The following PRKG1 variants were observed in gnomAD, a reference collection of about 807,000 sequenced individuals.
PRKG1 encodes the protein protein kinase cGMP-dependent 1.
PRKG1 carries 35 observed loss-of-function variants against 88.1 expected under a neutral mutation model. The ratio of observed to expected loss-of-function variants is 0.40; its 90% confidence interval spans 0.30 to 0.53. PRKG1 has a LOEUF of 0.53. PRKG1 is among the 20% of genes least tolerant of loss of function. The probability of loss-of-function intolerance (pLI) is 0.59; values close to 1 mark genes in which losing one functional copy is unlikely to be tolerated. For missense variants in PRKG1, 540 were observed against 839.8 expected, an observed-to-expected ratio of 0.64 and a Z score of 4.41; for synonymous variants, 303 against 292.5, an observed-to-expected ratio of 1.04 and a Z score of -0.37.
intron 3 of PRKG1, among the ~76,000 whole-genome samples, chr10:51,530,843 A>G (rs1842000058): frequency 6.6e-6 from 1 of 152,074 alleles, no homozygotes; most frequent in Admixed American, 6.5e-5. Context: ...TTTGTTGAAG[A>G]TGTTTGTTCT....
intron 7 of PRKG1, among the ~76,000 whole-genome samples, chr10:52,076,998 T>C (rs530542776): frequency 2.0e-5 from 3 of 152,096 alleles, no homozygotes; most frequent in Non-Finnish European, 2.9e-5. Flanking sequence ...TTTGGCAGTT[T>C]TTTTTTTTTT....
chr10:51,355,858 C>A (rs187865595), intron 2 of PRKG1, among the ~76,000 whole-genome samples: 1 of 152,052 alleles, frequency 6.6e-6, no homozygotes, highest in East Asian at 1.9e-4. Context: ...AGTGTGGATG[C>A]CACCATCGCA....
intron 2 of PRKG1, among the ~76,000 whole-genome samples, chr10:51,203,032 T>C (rs768701393): frequency 2.6e-5 from 4 of 152,052 alleles, no homozygotes; most frequent in Non-Finnish European, 4.4e-5. Flanking sequence ...GGGTGAGATA[T>C]AAATGTGAGG....
chr10:51,777,387 T>G (rs1336609255), intron 3 of PRKG1, among the ~76,000 whole-genome samples: 1 of 152,160 alleles, frequency 6.6e-6, no homozygotes, highest in African/African-American at 2.4e-5. Context: ...CAAAATAGGA[T>G]GCACATCTTT....
intron 2 of PRKG1, among the ~76,000 whole-genome samples, chr10:51,356,900 CCT>C (rs924503649): frequency 1.3e-5 from 2 of 151,990 alleles, no homozygotes; most frequent in Admixed American, 6.6e-5. Flanking sequence ...GCACATCTAT[CCT>C]CTCTATTAGG....
chr10:52,264,477 A>G (rs1024653874), intron 10 of PRKG1, among the ~76,000 whole-genome samples: 2 of 151,932 alleles, frequency 1.3e-5, no homozygotes, highest in African/African-American at 2.4e-5. Flanking sequence ...AGTTATCACA[A>G]TTTATATTAA....
intron 2 of PRKG1, among the ~76,000 whole-genome samples, chr10:51,362,509 AG>A (rs1346739086): frequency 6.6e-6 from 1 of 151,886 alleles, no homozygotes; most frequent in African/African-American, 2.4e-5. Context: ...AATTATAAAA[AG>A]GTCATTGATT....
At chr10:51,469,344 C>T (rs1839986828) in intron 3 of PRKG1, among the ~76,000 whole-genome samples, 4 of 151,632 alleles carry the variant, frequency 2.6e-5, no homozygotes, top group Admixed American at 2.6e-4. Flanking sequence ...CAGGCTTGTA[C>T]ACTGCTTGAT....
intron 3 of PRKG1, among the ~76,000 whole-genome samples, chr10:51,626,817 T>A (rs1255116368): frequency 3.9e-5 from 6 of 152,212 alleles, no homozygotes; most frequent in Non-Finnish European, 8.8e-5. Flanking sequence ...CAGTTTTCCC[T>A]TTTTAATCAG....
At chr10:51,087,619 TAG>T (rs1178271870) in intron 1 of PRKG1, among the ~76,000 whole-genome samples, 22 of 152,356 alleles carry the variant, frequency 1.4e-4, no homozygotes, top group African/African-American at 5.3e-4. Context: ...TTCTTTTATA[TAG>T]AGAGCTCTTT....
At chr10:51,022,024 C>T (rs536827276) in intron 1 of PRKG1, among the ~76,000 whole-genome samples, 1 of 152,160 alleles carries the variant, frequency 6.6e-6, no homozygotes, top group African/African-American at 2.4e-5. Context: ...TCGACAAACT[C>T]AAATGTGCAA....
intron 17 of PRKG1, among the ~76,000 whole-genome samples, chr10:52,291,472 T>C (rs1016498222): frequency 4.8e-5 from 7 of 144,550 alleles, no homozygotes; most frequent in African/African-American, 1.8e-4. Flanking sequence ...GTTCTCATTG[T>C]TCAGTTCCCA....
intron 2 of PRKG1, among the ~76,000 whole-genome samples, chr10:51,265,515 A>G (rs1424875904): frequency 6.6e-6 from 1 of 152,114 alleles, no homozygotes; most frequent in Non-Finnish European, 1.5e-5. Flanking sequence ...CAGTAGTTAC[A>G]TTTATTTTAT....
chr10:52,249,847 A>G (rs1483821028), intron 9 of PRKG1, among the ~76,000 whole-genome samples: 4 of 152,114 alleles, frequency 2.6e-5, no homozygotes, highest in Non-Finnish European at 5.9e-5. Context: ...CAAAAAGCAA[A>G]AAACAAAAAA....
chr10:51,556,142 A>G (rs925948583), intron 3 of PRKG1, among the ~76,000 whole-genome samples: 1 of 152,074 alleles, frequency 6.6e-6, no homozygotes, highest in Admixed American at 6.6e-5. Flanking sequence ...CAAGCCTTAC[A>G]GTAAAGAAGT....
chr10:51,126,234 TAA>T (rs1174403545), intron 1 of PRKG1, among the ~76,000 whole-genome samples: 167 of 121,210 alleles, frequency 1.4e-3, no homozygotes, highest in African/African-American at 5.1e-3. Context: ...TATATATTTA[TAA>T]TTATATATTT....
intron 10 of PRKG1, among the ~76,000 whole-genome samples, chr10:52,263,600 A>G (rs1041456932): frequency 2.0e-5 from 3 of 148,524 alleles, no homozygotes. Context: ...TTTTTGAGAC[A>G]GGGTCTTGCT....
At chr10:52,253,122 G>T (rs920732479) in intron 10 of PRKG1, among the ~76,000 whole-genome samples, 3 of 151,964 alleles carry the variant, frequency 2.0e-5, no homozygotes, top group Admixed American at 6.6e-5. Context: ...GTCTCCAAAT[G>T]AAGCAGTATA....
chr10:51,916,967 A>G (rs1016554341), intron 5 of PRKG1, among the ~76,000 whole-genome samples: 2 of 152,160 alleles, frequency 1.3e-5, no homozygotes, highest in African/African-American at 4.8e-5. Context: ...AAACAGACAA[A>G]TCTATATATA....
Sources: gnomAD v4.1 joint callset for allele counts (sites outside exome capture counted in the v4.1 genomes callset) on GRCh38, gnomAD v4.1.1 for gene constraint, MANE v1.5 for transcripts, NCBI Gene and HGNC (gene_info 2026-07-23, HGNC 2026-07-21) for gene names.